AGBL1: variants seen among roughly 807,000 people sequenced by gnomAD.
AGBL1 encodes AGBL carboxypeptidase 1.
Under a neutral mutation model 118.9 loss-of-function variants are expected in AGBL1, and 130 were observed. The observed-to-expected ratio is 1.09, with a 90% CI of 0.95 to 1.26. The LOEUF is 1.26. Ranked by LOEUF, AGBL1 falls within the 50% of genes most tolerant of loss-of-function variation. The pLI, the probability that AGBL1 is intolerant of heterozygous loss-of-function variation, is 0.00. For missense variants in AGBL1, 1,584 were observed against 1,298.1 expected (o/e 1.22, Z -3.38); for synonymous variants, 555 against 478.9 (o/e 1.16, Z -2.08).
intron 21 of AGBL1, among the ~76,000 whole-genome samples, chr15:86,611,208 CAAAG>C (rs1337053847): frequency 6.6e-6 from 1 of 152,092 alleles, no homozygotes; most frequent in Non-Finnish European, 1.5e-5. Context: ...TGTGGATGAA[CAAAG>C]AAAGAGCAAC....
At chr15:86,488,723 C>T (rs544866837) in intron 18 of AGBL1, among the ~76,000 whole-genome samples, 5 of 152,136 alleles carry the variant, frequency 3.3e-5, no homozygotes, top group Admixed American at 3.3e-4. Context: ...CTTCAAACAG[C>T]TCCTACAACT....
intron 18 of AGBL1, among the ~76,000 whole-genome samples, chr15:86,483,792 T>TA (rs1779826546): frequency 6.6e-6 from 1 of 152,134 alleles, no homozygotes. Context: ...ATTTAGCTGT[T>TA]AAAATAAACA....
chr15:86,458,644 A>G (rs777794829), intron 18 of AGBL1, among the ~76,000 whole-genome samples: 1 of 152,160 alleles, frequency 6.6e-6, no homozygotes, highest in Non-Finnish European at 1.5e-5. Context: ...ATTTATCTCA[A>G]TAATTGTATG....
At chr15:86,967,385 AC>A (rs1567264053) in intron 23 of AGBL1, among the ~76,000 whole-genome samples, 1 of 151,898 alleles carries the variant, frequency 6.6e-6, no homozygotes, top group African/African-American at 2.4e-5. Context: ...GGTGTTTTAG[AC>A]ATGAAGTCCT....
At chr15:86,839,228 C>A (rs1011589658) in intron 22 of AGBL1, among the ~76,000 whole-genome samples, 5 of 152,156 alleles carry the variant, frequency 3.3e-5, no homozygotes, top group Non-Finnish European at 5.9e-5. Context: ...TGGGACAGAG[C>A]AACTTGTTCT....
intron 21 of AGBL1, among the ~76,000 whole-genome samples, chr15:86,663,083 T>A (rs2085574881): frequency 2.0e-5 from 3 of 152,178 alleles, no homozygotes; most frequent in Admixed American, 2.0e-4. Flanking sequence ...TACCAATTGC[T>A]AGTGCATTAC....
intron 21 of AGBL1, among the ~76,000 whole-genome samples, chr15:86,660,123 C>T (rs910252738): frequency 2.0e-5 from 3 of 151,488 alleles, no homozygotes; most frequent in African/African-American, 4.9e-5. Context: ...GACCTACTCC[C>T]GCAAGAAAGA....
At chr15:86,486,652 T>C (rs2082716024) in intron 18 of AGBL1, among the ~76,000 whole-genome samples, 1 of 152,136 alleles carries the variant, frequency 6.6e-6, no homozygotes, top group Non-Finnish European at 1.5e-5. Context: ...ATTACCTTTA[T>C]TATAGTACAG....
At chr15:86,501,259 T>C (rs1434355106) in intron 18 of AGBL1, among the ~76,000 whole-genome samples, 1 of 151,718 alleles carries the variant, frequency 6.6e-6, no homozygotes, top group East Asian at 1.9e-4. Flanking sequence ...TGACTAATGA[T>C]GTTGAACATC....
chr15:86,624,939 C>T (rs1011872908), intron 21 of AGBL1, among the ~76,000 whole-genome samples: 5 of 152,176 alleles, frequency 3.3e-5, no homozygotes, highest in Non-Finnish European at 5.9e-5. Context: ...AGAATGCCTT[C>T]AGAGCTGCTT....
At chr15:86,343,416 G>A (rs1007058701) in intron 17 of AGBL1, among the ~76,000 whole-genome samples, 1 of 152,068 alleles carries the variant, frequency 6.6e-6, no homozygotes, top group Non-Finnish European at 1.5e-5. Context: ...GAGGCTAGGG[G>A]TCTTCCAGCT....
chr15:86,196,415 G>C (rs780491702), intron 5 of AGBL1, among the ~76,000 whole-genome samples: 2 of 152,112 alleles, frequency 1.3e-5, no homozygotes, highest in African/African-American at 2.4e-5. Context: ...TTTGTTCCTA[G>C]AGCCCTTAGG....
chr15:86,156,373 G>A (rs143240082), intron 4 of AGBL1, among the ~76,000 whole-genome samples: 83 of 152,132 alleles, frequency 5.5e-4, no homozygotes, highest in African/African-American at 2.0e-3. Flanking sequence ...ATGTTTCTTT[G>A]TGTGTCCAAA....
At chr15:86,919,043 T>C (rs2080458305), downstream of AGBL1, among the ~76,000 whole-genome samples, 1 of 152,196 alleles carries the variant, frequency 6.6e-6, no homozygotes, top group African/African-American at 2.4e-5. Context: ...ATAGTAATGC[T>C]AGGGATACCT....
intron 23 of AGBL1, among the ~76,000 whole-genome samples, chr15:86,922,864 G>A (rs756666004): frequency 6.3e-4 from 96 of 152,192 alleles, no homozygotes; most frequent in Non-Finnish European, 1.3e-3. Context: ...CTGAAGCAAC[G>A]GTTTAGATAA....
At chr15:86,348,556 G>A (rs1304040506) in intron 17 of AGBL1, among the ~76,000 whole-genome samples, 2 of 152,158 alleles carry the variant, frequency 1.3e-5, no homozygotes, top group Non-Finnish European at 2.9e-5. Flanking sequence ...GAGGCGGGCG[G>A]ATCATGAGGT....
intron 18 of AGBL1, among the ~76,000 whole-genome samples, chr15:86,407,061 G>T (rs1035100789): frequency 6.6e-6 from 1 of 152,084 alleles, no homozygotes; most frequent in South Asian, 2.1e-4. Context: ...TTGTACTAAT[G>T]GATAGAAGTG....
intron 22 of AGBL1, among the ~76,000 whole-genome samples, chr15:86,724,600 G>A (rs1430864477): frequency 1.3e-5 from 2 of 152,140 alleles, no homozygotes; most frequent in Non-Finnish European, 2.9e-5. Flanking sequence ...GAGGATATTT[G>A]CTCCATTTTT....
At chr15:86,349,416 C>T (rs1221705528) in intron 17 of AGBL1, among the ~76,000 whole-genome samples, 1 of 152,144 alleles carries the variant, frequency 6.6e-6, no homozygotes, top group Non-Finnish European at 1.5e-5. Flanking sequence ...TAGGTCTCCT[C>T]AATATTTTAT....
Sources: allele counts gnomAD v4.1 joint callset (sites outside exome capture counted in the v4.1 genomes callset), GRCh38; gene constraint gnomAD v4.1.1; transcripts MANE v1.5; gene names NCBI Gene and HGNC (gene_info 2026-07-23, HGNC 2026-07-21).